Variants in ZNF704 observed in about 807,000 individuals in gnomAD.
ZNF704 encodes the protein glucocorticoid induced gene 1.
A neutral mutation model predicts 44.7 loss-of-function variants in ZNF704; 10 were observed. The ratio of observed to expected loss-of-function variants is 0.22; its 90% CI spans 0.14 to 0.38. The LOEUF (loss-of-function observed/expected upper bound fraction) is 0.38. Ranked by LOEUF, ZNF704 falls within the 10% of genes least tolerant of loss-of-function variation. ZNF704 has a pLI of 1.00. For missense variants in ZNF704, 390 were observed against 545.5 expected, an observed-to-expected ratio of 0.71 and a Z score of 2.84; for synonymous variants, 211 against 207.6, an observed-to-expected ratio of 1.02 and a Z score of -0.14.
chr8:80,631,042 T>G lies in ZNF704; in HGVS notation c.*10324A>C, dbSNP rs935857165. On this transcript the variant is annotated 3_prime_UTR_variant, in exon 9 of 9. Coordinates refer to ENST00000327835, the MANE Select transcript of ZNF704 (RefSeq NM_001033723.3). ...AGCTTTCTACCAATGACCAAGGAGG[T>G]TCCCCGAACAGTCAGGAGACTGTGA... 6.6e-6 allele frequency: 1 copy of G among 152,106 alleles called. No homozygotes were observed. The highest frequency in any genetic ancestry group is 1.9e-4 in the East Asian group (1 of 5,180). 9.4% of individuals were successfully genotyped at this position (152,106 alleles called of 1,614,324 possible).
At chr8:80,734,843 G>A (rs1270201824) in intron 2 of ZNF704, among the ~76,000 whole-genome samples, 2 of 152,192 alleles carry the variant, frequency 1.3e-5, no homozygotes, top group Admixed American at 1.3e-4. Flanking sequence ...ATTTGGAGCT[G>A]GCCTTCAGCC....
intron 2 of ZNF704, among the ~76,000 whole-genome samples, chr8:80,724,787 G>A (rs559464771): frequency 9.9e-5 from 15 of 152,134 alleles, no homozygotes; most frequent in South Asian, 6.2e-4. Context: ...TCTCTCTGCC[G>A]AGTCCTTCCC....
intron 2 of ZNF704, 68 bp from the exon 3 acceptor site, chr8:80,693,175 C>T (rs2131637423): frequency 7.7e-7 from 1 of 1,291,404 alleles, no homozygotes; most frequent in Middle Eastern, 1.8e-4. Flanking sequence ...CAAGGTGTGA[C>T]ACGCTGTCAC....
chr8:80,688,219 TG>T (rs961838407), intron 3 of ZNF704, among the ~76,000 whole-genome samples: 2 of 148,202 alleles, frequency 1.3e-5, no homozygotes, highest in African/African-American at 2.5e-5. Flanking sequence ...GAAAAAAAGT[TG>T]GGGGGTGGGG....
At chr8:80,779,258 T>C (rs935711330) in intron 2 of ZNF704, among the ~76,000 whole-genome samples, 13 of 152,182 alleles carry the variant, frequency 8.5e-5, no homozygotes, top group African/African-American at 3.1e-4. Context: ...ATGTGTCTTA[T>C]CTTCATTTGT....
At chr8:80,803,704 A>C (rs568246660) in intron 2 of ZNF704, among the ~76,000 whole-genome samples, 10 of 152,336 alleles carry the variant, frequency 6.6e-5, no homozygotes, top group African/African-American at 2.2e-4. Context: ...TAAAGACTTA[A>C]ATGTAAAGCC....
chr8:80,653,849 C>A (rs1012703732), intron 7 of ZNF704, among the ~76,000 whole-genome samples: 6 of 152,118 alleles, frequency 3.9e-5, no homozygotes, highest in African/African-American at 1.4e-4. Context: ...CTTTAAAGTT[C>A]ATATGGAACC....
intron 2 of ZNF704, among the ~76,000 whole-genome samples, chr8:80,816,752 T>C (rs1177161530): frequency 1.3e-5 from 2 of 152,262 alleles, no homozygotes; most frequent in African/African-American, 2.4e-5. Context: ...TGCTTGCTCA[T>C]GTGCTCTCAC....
At chr8:80,795,934 T>C (rs1231702382) in intron 2 of ZNF704, among the ~76,000 whole-genome samples, 5 of 152,130 alleles carry the variant, frequency 3.3e-5, no homozygotes, top group Admixed American at 2.0e-4. Context: ...GTGGGTAGAA[T>C]GGGGCTTGGT....
At chr8:80,843,153 T>G (rs983564606) in intron 1 of ZNF704, among the ~76,000 whole-genome samples, 1 of 152,230 alleles carries the variant, frequency 6.6e-6, no homozygotes, top group South Asian at 2.1e-4. Context: ...TGCAAGAAAT[T>G]TATTATTCAT....
At chr8:80,780,764 A>G (rs1235630437) in intron 2 of ZNF704, among the ~76,000 whole-genome samples, 1 of 152,156 alleles carries the variant, frequency 6.6e-6, no homozygotes, top group African/African-American at 2.4e-5. Context: ...TGAAAAAGGC[A>G]AAGAATGGGT....
rs140655561 is a variant in ZNF704 at position 80,822,483 on chromosome 8, T to C, written c.-21-868A>G. 2.1e-3 allele frequency among the ~76,000 whole-genome samples: 315 copies of C among 152,338 alleles called. 2 individuals carry two copies. Among genetic ancestry groups the C allele is most frequent in the African/African-American group, 7.2e-3 (298 of 41,578 alleles). The stretch of plus-strand genomic sequence containing the variant: ...TGGGTTGGTTCCAACTCTTTGCTAT[T>C]GTGAATCATGCCAAAATAAACATAT... On this transcript the variant is annotated intron_variant, in intron 1 of 8. Transcript: ENST00000327835.
chr8:80,834,529 TTTTAC>T (rs1289723271), intron 1 of ZNF704, among the ~76,000 whole-genome samples: 1 of 152,174 alleles, frequency 6.6e-6, no homozygotes, highest in Non-Finnish European at 1.5e-5. Flanking sequence ...TGTTTTTGTT[TTTTAC>T]TTTAAGTTCT....
chr8:80,825,096 G>A (rs1808348787), intron 1 of ZNF704, among the ~76,000 whole-genome samples: 1 of 152,122 alleles, frequency 6.6e-6, no homozygotes, highest in Non-Finnish European at 1.5e-5. Flanking sequence ...AATGTAAATG[G>A]GCTAAATGCT....
chr8:80,831,863 T>C (rs1808477493), intron 1 of ZNF704, among the ~76,000 whole-genome samples: 2 of 152,210 alleles, frequency 1.3e-5, no homozygotes, highest in African/African-American at 2.4e-5. Context: ...GATGTTCAGA[T>C]TAATTTCCCC....
intron 2 of ZNF704, among the ~76,000 whole-genome samples, chr8:80,734,889 A>G (rs765456318): frequency 3.9e-5 from 6 of 152,224 alleles, no homozygotes; most frequent in Non-Finnish European, 8.8e-5. Flanking sequence ...TATGCTTCCA[A>G]TTAATCAAGT....
intron 1 of ZNF704, among the ~76,000 whole-genome samples, chr8:80,846,953 A>G (rs1220231691): frequency 6.6e-6 from 1 of 152,154 alleles, no homozygotes; most frequent in Non-Finnish European, 1.5e-5. Flanking sequence ...CAGGCAGATC[A>G]CCCAAGGTCA....
At position 80,772,880 on chromosome 8, in the gene ZNF704, T is replaced by C. The variant is rs182899053; in HGVS notation, c.221+48494A>G. Among the ~76,000 whole-genome samples, 60 of 152,358 alleles carry C rather than the reference T, an allele frequency of 3.9e-4. 1 individual carries two copies. The highest frequency in any genetic ancestry group is 1.4e-3 in the African/African-American group (58 of 41,586). On this transcript the variant is annotated intron_variant, in intron 2 of 8. Coordinates refer to ENST00000327835, the MANE Select transcript of ZNF704 (RefSeq NM_001033723.3). ...GCTTTGATTATTGATTTGAGACTTT[T>C]GGTCTTTTCTAATGTATGTATTATC...
intron 2 of ZNF704, among the ~76,000 whole-genome samples, chr8:80,772,320 G>A (rs964814286): frequency 6.6e-6 from 1 of 152,254 alleles, no homozygotes; most frequent in South Asian, 2.1e-4. Flanking sequence ...GAACGAAATT[G>A]TATTAGATTG....
Sources: gnomAD v4.1 joint callset for allele counts (sites outside exome capture counted in the v4.1 genomes callset) on GRCh38, gnomAD v4.1.1 for gene constraint, MANE v1.5 for transcripts, NCBI Gene and HGNC (gene_info 2026-07-23, HGNC 2026-07-21) for gene names.